Variants in CACNA1H observed in about 807,000 individuals in gnomAD.
CACNA1H encodes the protein voltage-dependent T-type calcium channel subunit alpha-1H.
CACNA1H carries 149 observed loss-of-function variants against 192.5 expected under a neutral mutation model. The observed-to-expected ratio is 0.77, with a 90% CI of 0.68 to 0.89. CACNA1H has a LOEUF of 0.89. CACNA1H is among the 40% of genes least tolerant of loss of function. CACNA1H has a pLI of 0.00. For synonymous variants in CACNA1H, 2,202 were observed against 1,475.2 expected, an observed-to-expected ratio of 1.49 and a Z score of -11.29; for missense variants, 4,257 against 3,423.5, an observed-to-expected ratio of 1.24 and a Z score of -6.08.
intron 2 of CACNA1H, among the ~76,000 whole-genome samples, chr16:1,184,185 GC>G (rs1965753061): frequency 6.6e-6 from 1 of 152,250 alleles, no homozygotes; most frequent in Admixed American, 6.5e-5. Context: ...GAATGGTCAG[GC>G]CCAGCCTGCC....
intron 6 of CACNA1H, among the ~76,000 whole-genome samples, chr16:1,199,708 C>T (rs1034566359): frequency 6.6e-6 from 1 of 150,648 alleles, no homozygotes; most frequent in Non-Finnish European, 1.5e-5. Flanking sequence ...CCCCGAGTCT[C>T]CCCTCAGCCT....
chr16:1,178,918 G>A (rs868325290), intron 2 of CACNA1H, among the ~76,000 whole-genome samples: 5 of 152,194 alleles, frequency 3.3e-5, no homozygotes, highest in Middle Eastern at 3.2e-3. Context: ...TGCCAGCCCC[G>A]GAGGACCAGA....
At chr16:1,162,182 C>T (rs905176105) in intron 2 of CACNA1H, among the ~76,000 whole-genome samples, 4 of 152,124 alleles carry the variant, frequency 2.6e-5, no homozygotes, top group Non-Finnish European at 4.4e-5. Flanking sequence ...AGCCCCATGA[C>T]CCCTCGCCCT....
At chr16:1,206,920 A>ACCCCCCCCCCCC in intron 12 of CACNA1H, 81 bp from the exon 13 acceptor site, 1 of 48,172 alleles carries the variant, frequency 2.1e-5, no homozygotes, top group Non-Finnish European at 3.8e-5. Flanking sequence ...CCCTCCTCCC[A>ACCCCCCCCCCCC]CCCCCCTCCC....
At chr16:1,171,641 G>A (rs1964378119) in intron 2 of CACNA1H, among the ~76,000 whole-genome samples, 1 of 152,168 alleles carries the variant, frequency 6.6e-6, no homozygotes, top group Non-Finnish European at 1.5e-5. Flanking sequence ...TTTCCAGTTT[G>A]CCAAGGCCGC....
rs781394652 is a variant in CACNA1H at position 1,211,557 on chromosome 16, C to T, written c.4427C>T (p.Ala1476Val). 8.1e-6 allele frequency: 13 copies of T among 1,612,014 alleles called. No homozygotes were observed. Among genetic ancestry groups the T allele is most frequent in the Admixed American group, 6.7e-5 (4 of 59,944 alleles). ...TCCACCAAGGCACAGTGCCGGGCCG[C>T]CCACTACCGCTGGGTGCGACGCAAG... is the stretch of plus-strand genomic sequence containing the variant. ...NISTKAQCRA[A>V]HYRWVRRKYN... The change falls in exon 23 of 35, where the codon GCC becomes GTC. Residue 1476 changes from alanine to valine, a missense_variant. Ala to Val is a moderately conservative substitution (Grantham distance 64). Transcript: ENST00000348261.
intron 2 of CACNA1H, among the ~76,000 whole-genome samples, 181 bp from the exon 3 acceptor site, chr16:1,194,791 C>T (rs1276805467): frequency 6.6e-6 from 1 of 152,198 alleles, no homozygotes; most frequent in Non-Finnish European, 1.5e-5. Flanking sequence ...AGGCCCCAGG[C>T]GCCACCTGGT....
chr16:1,206,488 G>A (rs559493490), intron 12 of CACNA1H, 199 bp downstream of exon 12: 4 of 586,344 alleles, frequency 6.8e-6, no homozygotes, highest in Non-Finnish European at 1.2e-5. Flanking sequence ...AGACATGCAG[G>A]GAGTCAGATG....
Position 1,218,999 on chromosome 16 carries a change from GC to G in CACNA1H, c.5918del (p.Ala1973GlufsTer74). ...CGTTGCCTCTGTGCACTCTCCGCCC[GC>G]AGAGTCCTGTGCCTCCCTCCAGATC... The part of the protein sequence containing the change: ...GSVASVHSPP[A>X]ESCASLQIPL... On this transcript the variant is annotated frameshift_variant, in exon 34 of 35. Coordinates refer to ENST00000348261, the MANE Select transcript of CACNA1H (RefSeq NM_021098.3). LOFTEE classifies it high-confidence loss of function. 1 of 1,550,238 alleles carries G rather than the reference GC, an allele frequency of 6.5e-7. No homozygotes were observed. Among genetic ancestry groups the G allele is most frequent in the Non-Finnish European group, 8.7e-7 (1 of 1,146,876 alleles).
At chr16:1,212,270 T>TGGGGGCTGGGCCTTGG (rs1326175152) in intron 25 of CACNA1H, 132 bp downstream of exon 25, 4 of 1,348,896 alleles carry the variant, frequency 3.0e-6, no homozygotes, top group South Asian at 3.0e-5. Context: ...TGGGCCTGCA[T>TGGGGGCTGGGCCTTGG]GGGGGCTGGG....
chr16:1,219,393 C>T (rs1209701350), intron 34 of CACNA1H, among the ~76,000 whole-genome samples: 1 of 152,192 alleles, frequency 6.6e-6, no homozygotes, highest in Non-Finnish European at 1.5e-5. Flanking sequence ...GCTTCAGGCC[C>T]CACGGTGGGC....
intron 5 of CACNA1H, among the ~76,000 whole-genome samples, chr16:1,197,111 G>A (rs1192201582): frequency 2.0e-5 from 3 of 152,184 alleles, no homozygotes; most frequent in South Asian, 2.1e-4. Context: ...GGTCATCCTC[G>A]TGCCGCTGGT....
At chr16:1,185,300 C>T (rs1017184512) in intron 2 of CACNA1H, among the ~76,000 whole-genome samples, 3 of 152,192 alleles carry the variant, frequency 2.0e-5, no homozygotes, top group Admixed American at 1.3e-4. Flanking sequence ...GGGGTCAGTG[C>T]CGCTGTGGAC....
chr16:1,190,209 G>A (rs1439834346), intron 2 of CACNA1H, among the ~76,000 whole-genome samples: 2 of 152,242 alleles, frequency 1.3e-5, no homozygotes, highest in African/African-American at 4.8e-5. Flanking sequence ...CCCTCCCAGG[G>A]CTGTTCCCGG....
chr16:1,179,730 C>CTTTT (rs758652517), intron 2 of CACNA1H, among the ~76,000 whole-genome samples: 4 of 109,124 alleles, frequency 3.7e-5, no homozygotes, highest in African/African-American at 7.6e-5. Flanking sequence ...CGCCCGGCCT[C>CTTTT]TTTTTTTTTT....
rs570531501 is a variant in CACNA1H, at chr16:1,174,247, C to G, written c.299+20211C>G. Among the ~76,000 whole-genome samples the G allele has an allele frequency of 2.0e-5, 3 of 152,338 alleles. No individual in the cohort carries two copies. In the South Asian group the frequency reaches 6.2e-4, roughly 32 times the overall value. On this transcript the variant is annotated intron_variant, in intron 2 of 34. Transcript: ENST00000348261. ...CCGGCTGAAGTCTCCTGTGGGGCTC[C>G]TGGGTTCAAGGCCACCCCATGGCCA...
At position 1,209,339 on chromosome 16, in the gene CACNA1H, T is replaced by C. The variant is rs1191898832; in HGVS notation, c.3671T>C (p.Leu1224Pro). 2 of 1,597,942 alleles carry C rather than the reference T, an allele frequency of 1.3e-6. No individual in the cohort carries two copies. The highest frequency in any genetic ancestry group is 2.2e-5 in the East Asian group (1 of 44,852). ...GATCGCGACGGGCAGGTGGTGGCCC[T>C]GCCCAGCGACTTCTTCCTGCGCATC... is the stretch of plus-strand genomic sequence containing the variant. The part of the protein sequence containing the change: ...CRDRDGQVVA[L>P]PSDFFLRIDS... Residue 1224 changes from leucine (L) to proline (P), a missense_variant, in exon 17 of 35, where the codon CTG becomes CCG. By Grantham distance (98) the Leu-to-Pro change is moderately conservative. Coordinates refer to ENST00000348261, the MANE Select transcript of CACNA1H (RefSeq NM_021098.3).
At chr16:1,158,634 G>A (rs1270027625) in intron 2 of CACNA1H, among the ~76,000 whole-genome samples, 1 of 152,346 alleles carries the variant, frequency 6.6e-6, no homozygotes, top group East Asian at 1.9e-4. Context: ...CCCCGCTGGG[G>A]AGGAGGGAGG....
chr16:1,210,095 C>G lies in CACNA1H; in HGVS notation c.3805C>G (p.Arg1269Gly). The change falls in exon 18 of 35, where the codon CGC becomes GGC. Residue 1269 changes from arginine (R) to glycine (G), a missense_variant. Transcript: ENST00000348261. ...EPYKPQWCRS[R>G]EAWALYLFSP... is the part of the protein sequence containing the mutation. ...CTACAAGCCCCAGTGGTGCCGGAGC[C>G]GCGAGGCCTGGGCCCTCTACCTCTT... 5.8e-6 allele frequency: 9 copies of G among 1,560,066 alleles called. No individual in the cohort carries two copies. The highest frequency in any genetic ancestry group is 7.8e-6 in the Non-Finnish European group (9 of 1,152,824).
Sources: allele counts gnomAD v4.1 joint callset (sites outside exome capture counted in the v4.1 genomes callset), GRCh38; gene constraint gnomAD v4.1.1; transcripts MANE v1.5; gene names NCBI Gene and HGNC (gene_info 2026-07-23, HGNC 2026-07-21).